Variants in TENT2 observed in about 807,000 individuals in gnomAD.
TENT2 encodes the protein poly(A) RNA polymerase GLD2.
TENT2 carries 44 observed loss-of-function variants against 72.2 expected under a neutral mutation model. That is an observed-to-expected ratio of 0.61 (90% CI 0.48 to 0.78). The LOEUF (loss-of-function observed/expected upper bound fraction) is 0.78, where lower values mean the gene tolerates loss of function less well. Ranked by LOEUF, TENT2 falls within the 30% of genes least tolerant of loss-of-function variation. The pLI, the probability that TENT2 is intolerant of heterozygous loss-of-function variation, is 0.00. For synonymous variants in TENT2, 212 were observed against 192.5 expected, an observed-to-expected ratio of 1.10 and a Z score of -0.84; for missense variants, 541 against 569.6, an observed-to-expected ratio of 0.95 and a Z score of 0.51.
chr5:79,646,779 T>C (rs1789402211), intron 8 of TENT2, among the ~76,000 whole-genome samples: 1 of 151,868 alleles, frequency 6.6e-6, no homozygotes, highest in Non-Finnish European at 1.5e-5. Context: ...CTTTTTTTTT[T>C]TTTTTAAGAG....
intron 4 of TENT2, among the ~76,000 whole-genome samples, chr5:79,628,272 G>A (rs962498226): frequency 1.3e-5 from 2 of 152,232 alleles, no homozygotes; most frequent in African/African-American, 4.8e-5. Flanking sequence ...GTGAGATAAA[G>A]TGGGGCAGTG....
At chr5:79,620,159 T>A in intron 3 of TENT2, 76 bp downstream of exon 3, 1 of 977,690 alleles carries the variant, frequency 1.0e-6, no homozygotes, top group Non-Finnish European at 1.6e-6. Flanking sequence ...CTTGAATTAA[T>A]ATTGTATGGA....
At chr5:79,630,817 GTT>G (rs34597540) in intron 4 of TENT2, among the ~76,000 whole-genome samples, 53 of 138,878 alleles carry the variant, frequency 3.8e-4, no homozygotes, top group Admixed American at 4.3e-4. Context: ...ACCTATTCAG[GTT>G]TTTTTTTTTT....
intron 1 of TENT2, among the ~76,000 whole-genome samples, chr5:79,613,407 G>T (rs1756758402): frequency 6.6e-6 from 1 of 152,126 alleles, no homozygotes; most frequent in African/African-American, 2.4e-5. Context: ...AATAACACAT[G>T]TGCAGTGTAT....
At chr5:79,645,794 T>C (rs932764242) in intron 8 of TENT2, among the ~76,000 whole-genome samples, 1 of 152,056 alleles carries the variant, frequency 6.6e-6, no homozygotes, top group African/African-American at 2.4e-5. Flanking sequence ...GTGACAGATT[T>C]CATAAAATTT....
rs940820936 is a variant in TENT2 at position 79,657,067 on chromosome 5, A to G, written c.1071+66A>G. 2.8e-6 allele frequency: 3 copies of G among 1,088,946 alleles called. No individual in the cohort carries two copies. In the African/African-American group the frequency reaches 4.8e-5, roughly 18 times the overall value. The allele number at this position is 1,088,946 out of a possible 1,614,324, so 67.5% of individuals were successfully genotyped here. ...AAGTGTATGTAGAACTATTATAAGT[A>G]GTATTAATGTGATTATAAAAGTAGT... On this transcript the variant is annotated intron_variant, in intron 11 of 14. Transcript: ENST00000453514.
At chr5:79,678,195 T>C (rs1318264242) in intron 12 of TENT2, among the ~76,000 whole-genome samples, 1 of 152,216 alleles carries the variant, frequency 6.6e-6, no homozygotes, top group African/African-American at 2.4e-5. Context: ...AAATAAATTA[T>C]ACTTTCAGTG....
intron 4 of TENT2, among the ~76,000 whole-genome samples, chr5:79,633,009 A>G (rs1258522617): frequency 6.6e-6 from 1 of 152,158 alleles, no homozygotes; most frequent in African/African-American, 2.4e-5. Context: ...AATTAAGAAT[A>G]CTCCAACTTT....
intron 11 of TENT2, among the ~76,000 whole-genome samples, chr5:79,668,223 A>G (rs1561569522): frequency 1.3e-5 from 2 of 152,054 alleles, no homozygotes. Flanking sequence ...TTTCAGGCAA[A>G]TAATATCCTC....
rs527313310 is a variant in TENT2, at chr5:79,679,248, T to C, written c.1209-331T>C. On this transcript the variant is annotated intron_variant, in intron 12 of 14. Transcript: ENST00000453514. ...AGTTACTTCATTTTTTCAATAAATATGTGTTGAAAACCTGGTATGTACTAT... is the reference window on the plus strand; with the variant it reads ...AGTTACTTCATTTTTTCAATAAATACGTGTTGAAAACCTGGTATGTACTAT... 2.6e-5 allele frequency among the ~76,000 whole-genome samples: 4 copies of C among 152,188 alleles called. No individual in the cohort carries two copies. The South Asian group carries it at 6.2e-4, about 24-fold the overall frequency.
At chr5:79,648,950 T>G in intron 9 of TENT2, 112 bp from the exon 10 acceptor site, 1 of 1,200,346 alleles carries the variant, frequency 8.3e-7, no homozygotes, top group Non-Finnish European at 1.2e-6. Flanking sequence ...ACACAGTGTT[T>G]AATATACACG....
At chr5:79,616,837 C>T (rs1425066995) in intron 1 of TENT2, among the ~76,000 whole-genome samples, 1 of 152,128 alleles carries the variant, frequency 6.6e-6, no homozygotes, top group African/African-American at 2.4e-5. Flanking sequence ...TAGAGTCAGG[C>T]ATTTAGGATG....
intron 10 of TENT2, among the ~76,000 whole-genome samples, chr5:79,651,648 T>C (rs1434033235): frequency 6.6e-6 from 1 of 151,966 alleles, no homozygotes; most frequent in Non-Finnish European, 1.5e-5. Context: ...TCCTCTATGG[T>C]GGAGAATTTG....
intron 4 of TENT2, among the ~76,000 whole-genome samples, chr5:79,638,082 G>A (rs1781619988): frequency 6.6e-6 from 1 of 152,188 alleles, no homozygotes; most frequent in Non-Finnish European, 1.5e-5. Context: ...ACAGGCATGA[G>A]CCACCACGCC....
At chr5:79,679,140 G>A (rs546950792) in intron 12 of TENT2, among the ~76,000 whole-genome samples, 7 of 152,078 alleles carry the variant, frequency 4.6e-5, no homozygotes, top group Non-Finnish European at 7.4e-5. Context: ...TCTTAACCTC[G>A]TGATCCACCT....
chr5:79,628,298 T>A (rs1403344709), intron 4 of TENT2, among the ~76,000 whole-genome samples: 3 of 152,238 alleles, frequency 2.0e-5, no homozygotes, highest in Admixed American at 6.5e-5. Context: ...AAGCCTTGAA[T>A]GCACAGTAGA....
At position 79,669,048 on chromosome 5, in the gene TENT2, G is replaced by C; in HGVS notation, c.1208+20G>C. The C allele has an allele frequency of 6.2e-7, 1 of 1,611,076 alleles. No homozygotes were observed. The highest frequency in any genetic ancestry group is 8.5e-7 in the Non-Finnish European group (1 of 1,178,648). ...ATTTGAGTAAGTAAAACTTTAAATT[G>C]TGTTTGTTCACTTATATGTGTGTGT... On this transcript the variant is annotated intron_variant, in intron 12 of 14. Coordinates refer to ENST00000453514, the MANE Select transcript of TENT2 (RefSeq NM_001114394.3).
At chr5:79,635,199 T>A (rs1032915219) in intron 4 of TENT2, among the ~76,000 whole-genome samples, 1 of 152,204 alleles carries the variant, frequency 6.6e-6, no homozygotes, top group African/African-American at 2.4e-5. Flanking sequence ...TTTCTCTAAA[T>A]TAAAGCACCA....
At chr5:79,644,802 G>A (rs960955988) in intron 7 of TENT2, 2 of 203,454 alleles carry the variant, frequency 9.8e-6, no homozygotes, top group Non-Finnish European at 2.0e-5. Flanking sequence ...ATACCTTACT[G>A]TGTGCTGTAC....
Sources: gnomAD v4.1 joint callset for allele counts (sites outside exome capture counted in the v4.1 genomes callset) on GRCh38, gnomAD v4.1.1 for gene constraint, MANE v1.5 for transcripts, NCBI Gene and HGNC (gene_info 2026-07-23, HGNC 2026-07-21) for gene names.